Variants in MON2 observed in about 807,000 individuals in gnomAD.
MON2 encodes MON2 regulator of endosome-to-Golgi trafficking, also known as protein MON2 homolog.
A neutral mutation model predicts 208.6 loss-of-function variants in MON2; 84 were observed. That is an observed-to-expected ratio of 0.40 (90% CI 0.34 to 0.48). MON2 has a LOEUF of 0.48. Ranked by LOEUF, MON2 falls within the 20% of genes least tolerant of loss-of-function variation. The probability of loss-of-function intolerance (pLI) is 0.59; values close to 1 mark genes in which losing one functional copy is unlikely to be tolerated. For synonymous variants in MON2, 660 were observed against 694.0 expected (o/e 0.95, Z 0.77); for missense variants, 1,611 against 2,015.4 (o/e 0.80, Z 3.84).
intron 11 of MON2, among the ~76,000 whole-genome samples, chr12:62,530,345 C>G (rs1209868322): frequency 8.6e-5 from 13 of 151,916 alleles, no homozygotes; most frequent in African/African-American, 2.9e-4. Context: ...ATTCTCCTGC[C>G]TCAGCCTCCC....
chr12:62,576,901 A>C (rs1010100198), intron 30 of MON2, among the ~76,000 whole-genome samples: 5 of 151,888 alleles, frequency 3.3e-5, no homozygotes, highest in Admixed American at 1.3e-4. Flanking sequence ...AAACACACTA[A>C]TACACCTTAG....
At chr12:62,539,746 G>A (rs2073151039) in intron 19 of MON2, among the ~76,000 whole-genome samples, 1 of 152,076 alleles carries the variant, frequency 6.6e-6, no homozygotes, top group African/African-American at 2.4e-5. Flanking sequence ...GCTGGGCATG[G>A]TGGCTTACGC....
intron 25 of MON2, among the ~76,000 whole-genome samples, chr12:62,558,882 G>A (rs1314422248): frequency 6.6e-6 from 1 of 151,882 alleles, no homozygotes; most frequent in East Asian, 1.9e-4. Context: ...ATTTTTAGTC[G>A]AGACAGGGTT....
At chr12:62,535,737 CTA>C in intron 14 of MON2, 28 bp downstream of exon 14, 1 of 1,564,556 alleles carries the variant, frequency 6.4e-7, no homozygotes, top group East Asian at 2.2e-5. Context: ...AAAATTCTCT[CTA>C]TGTAGTGGGA....
chr12:62,546,633 A>G (rs577720830), intron 21 of MON2, among the ~76,000 whole-genome samples: 1 of 152,262 alleles, frequency 6.6e-6, no homozygotes, highest in South Asian at 2.1e-4. Flanking sequence ...GCATGCCTGT[A>G]ATCCCAGCTA....
chr12:62,467,602 G>T (rs2068580541), intron 1 of MON2, among the ~76,000 whole-genome samples: 1 of 152,106 alleles, frequency 6.6e-6, no homozygotes, highest in African/African-American at 2.4e-5. Flanking sequence ...GCCTATTCTG[G>T]CCTTTTTCTT....
chr12:62,587,318 G>GGT (rs1346474757), intron 33 of MON2, among the ~76,000 whole-genome samples: 1 of 151,840 alleles, frequency 6.6e-6, no homozygotes, highest in Non-Finnish European at 1.5e-5. Context: ...TATGCCATGT[G>GGT]GTAATAGTAG....
chr12:62,491,058 T>A (rs1211662839), intron 2 of MON2, among the ~76,000 whole-genome samples: 1 of 152,216 alleles, frequency 6.6e-6, no homozygotes, highest in East Asian at 1.9e-4. Flanking sequence ...AATATGTGCA[T>A]GAACTTGTTC....
intron 4 of MON2, among the ~76,000 whole-genome samples, chr12:62,496,714 A>G (rs2136061736): frequency 6.6e-6 from 1 of 152,362 alleles, no homozygotes; most frequent in South Asian, 2.1e-4. Flanking sequence ...CAAATATCTG[A>G]CAAAGGACTT....
At chr12:62,574,919 T>C (rs1215309702) in intron 30 of MON2, among the ~76,000 whole-genome samples, 1 of 151,546 alleles carries the variant, frequency 6.6e-6, no homozygotes, top group African/African-American at 2.4e-5. Flanking sequence ...GGCCCAGGAG[T>C]TCAAGACCAG....
In MON2 at chr12:62,596,468, A is replaced by T. The variant is rs1048326752; in HGVS notation, c.*3719A>T. The T allele has an allele frequency of 6.6e-5, 10 of 152,194 alleles. No individual in the cohort carries two copies. Among genetic ancestry groups the T allele is most frequent in the African/African-American group, 2.4e-4 (10 of 41,440 alleles). The allele number at this position is 152,194 out of a possible 1,614,324, so 9.4% of individuals were successfully genotyped here. On this transcript the variant is annotated 3_prime_UTR_variant, in exon 35 of 35. Transcript: ENST00000393630. ...ACTACCACAGATGTAGACAAAAATG[A>T]TCTCTGAAAGCATTGCCAGCAGCCA...
At chr12:62,559,959 TC>T (rs1290204474) in intron 25 of MON2, 1 of 151,832 alleles carries the variant, frequency 6.6e-6, no homozygotes, top group Non-Finnish European at 1.5e-5. Context: ...AACGAGAACT[TC>T]TTACTTAATC....
chr12:62,525,855 T>G (rs1187630504), intron 10 of MON2, 94 bp from the exon 11 acceptor site: 1 of 1,187,256 alleles, frequency 8.4e-7, no homozygotes, highest in Non-Finnish European at 1.2e-6. Flanking sequence ...GCACAGAAAT[T>G]TTTTTTAAAG....
At chr12:62,475,371 G>T (rs1470630601) in intron 1 of MON2, among the ~76,000 whole-genome samples, 1 of 151,716 alleles carries the variant, frequency 6.6e-6, no homozygotes, top group East Asian at 1.9e-4. Flanking sequence ...AAAGTGGCTG[G>T]GATTACAGGC....
chr12:62,592,669 T>C lies in MON2; in HGVS notation c.5074T>C (p.Ser1692Pro), dbSNP rs2075434902. Reference protein sequence around the residue: ...CITCSSSEVCSALKEALVPFK... With the variant: ...CITCSSSEVCPALKEALVPFK... ...CACCTGTTCTTCTTCAGAAGTCTGT[T>C]CTGCACTTAAAGAGGCACTAGTTCC... Residue 1692 changes from serine to proline, a missense_variant, in exon 35 of 35, where the codon TCT becomes CCT. Ser to Pro is a moderately conservative substitution (Grantham distance 74). Transcript: ENST00000393630. 1 of 1,611,868 alleles carries C rather than the reference T, an allele frequency of 6.2e-7. No homozygotes were observed. The highest frequency in any genetic ancestry group is 2.2e-5 in the East Asian group (1 of 44,834).
intron 3 of MON2, 39 bp from the exon 4 acceptor site, chr12:62,494,977 T>C: frequency 6.7e-7 from 1 of 1,491,986 alleles, no homozygotes; most frequent in Non-Finnish European, 9.2e-7. Flanking sequence ...AACATCTATA[T>C]TGTATTTGTT....
chr12:62,562,875 C>T (rs2074250112), intron 26 of MON2, among the ~76,000 whole-genome samples: 1 of 152,098 alleles, frequency 6.6e-6, no homozygotes, highest in South Asian at 2.1e-4. Context: ...CTCAAACCAC[C>T]AGTTCCCAGC....
intron 32 of MON2, among the ~76,000 whole-genome samples, chr12:62,582,970 T>C (rs1246762918): frequency 6.6e-6 from 1 of 152,038 alleles, no homozygotes; most frequent in Non-Finnish European, 1.5e-5. Flanking sequence ...ACTGAAAACA[T>C]AAAACCAGTT....
rs1206841010 is a variant in MON2 at position 62,538,398 on chromosome 12, C to T, written c.2274-17C>T. 2 of 1,596,788 alleles carry T rather than the reference C, an allele frequency of 1.3e-6. No homozygotes were observed. The highest frequency in any genetic ancestry group is 1.1e-5 in the South Asian group (1 of 90,566). ...TATTTTAGATCAAGATGTCTTATTT[C>T]TTCATTTCCTTTTTAGGTATCTTGA... On this transcript the variant is annotated splice_polypyrimidine_tract_variant and intron_variant, in intron 18 of 34. Transcript: ENST00000393630.
Sources: allele counts gnomAD v4.1 joint callset (sites outside exome capture counted in the v4.1 genomes callset), GRCh38; gene constraint gnomAD v4.1.1; transcripts MANE v1.5; gene names NCBI Gene and HGNC (gene_info 2026-07-23, HGNC 2026-07-21).